The following TAFA2 variants were observed in gnomAD, a reference collection of about 807,000 sequenced individuals.
TAFA2 encodes the protein chemokine-like protein TAFA-2.
A neutral mutation model predicts 18.8 loss-of-function variants in TAFA2; 7 were observed. The ratio of observed to expected loss-of-function variants is 0.37; its 90% CI spans 0.21 to 0.70. TAFA2 has a LOEUF of 0.70. Among genes scored for constraint, TAFA2 ranks in the 30% least tolerant of loss-of-function variants. TAFA2 has a pLI of 0.53. For synonymous variants in TAFA2, 60 were observed against 54.2 expected, an observed-to-expected ratio of 1.11 and a Z score of -0.47; for missense variants, 122 against 158.1, an observed-to-expected ratio of 0.77 and a Z score of 1.23.
intron 1 of TAFA2, among the ~76,000 whole-genome samples, chr12:62,157,730 C>T (rs138202542): frequency 4.6e-4 from 70 of 152,332 alleles, no homozygotes; most frequent in African/African-American, 1.6e-3. Context: ...AAGTAGCTAA[C>T]ATCCTCCAGC....
intron 2 of TAFA2, among the ~76,000 whole-genome samples, chr12:61,777,770 A>T (rs1332372800): frequency 6.6e-6 from 1 of 151,880 alleles, no homozygotes; most frequent in Non-Finnish European, 1.5e-5. Flanking sequence ...GTAAGAATTT[A>T]ATTAATACAT....
At chr12:62,089,291 A>G (rs754079693) in intron 1 of TAFA2, among the ~76,000 whole-genome samples, 2 of 152,084 alleles carry the variant, frequency 1.3e-5, no homozygotes, top group Non-Finnish European at 2.9e-5. Flanking sequence ...CTGGGTAAAG[A>G]AGAAAATAGA....
chr12:61,882,376 A>G (rs1349761264), intron 1 of TAFA2, among the ~76,000 whole-genome samples: 1 of 152,226 alleles, frequency 6.6e-6, no homozygotes, highest in Non-Finnish European at 1.5e-5. Context: ...AGGTATAAAA[A>G]TACCAAAGAA....
At chr12:61,944,162 G>A (rs1387949206) in intron 1 of TAFA2, among the ~76,000 whole-genome samples, 91 of 142,224 alleles carry the variant, frequency 6.4e-4, no homozygotes, top group Middle Eastern at 3.5e-3. Flanking sequence ...ACTCAAAGCC[G>A]CTCAACTACC....
chr12:61,995,369 A>G (rs1201237061), intron 1 of TAFA2, among the ~76,000 whole-genome samples: 1 of 152,206 alleles, frequency 6.6e-6, no homozygotes, highest in Non-Finnish European at 1.5e-5. Flanking sequence ...ACCTCCTTAG[A>G]GATTTTTACC....
intron 1 of TAFA2, among the ~76,000 whole-genome samples, chr12:61,929,816 T>C (rs868714616): frequency 3.9e-5 from 6 of 152,104 alleles, no homozygotes; most frequent in Middle Eastern, 3.2e-3. Context: ...CATGGAATAC[T>C]ATGCAGCCAT....
chr12:61,940,778 T>G (rs1447923512), intron 1 of TAFA2, among the ~76,000 whole-genome samples: 1 of 152,116 alleles, frequency 6.6e-6, no homozygotes, highest in East Asian at 1.9e-4. Context: ...TTGTGTAGAA[T>G]GGAGGAAGAA....
intron 1 of TAFA2, among the ~76,000 whole-genome samples, chr12:62,246,613 T>C (rs2062887613): frequency 6.6e-6 from 1 of 152,246 alleles, no homozygotes; most frequent in African/African-American, 2.4e-5. Context: ...TTGTAATTCT[T>C]TGTCTTTCTG....
At chr12:61,889,195 T>C (rs1179756702) in intron 1 of TAFA2, among the ~76,000 whole-genome samples, 1 of 152,224 alleles carries the variant, frequency 6.6e-6, no homozygotes, top group Admixed American at 6.5e-5. Flanking sequence ...GAAAGCATTA[T>C]GTACTTTCTG....
chr12:61,974,644 C>A (rs1879366560), intron 1 of TAFA2, among the ~76,000 whole-genome samples: 1 of 151,692 alleles, frequency 6.6e-6, no homozygotes, highest in South Asian at 2.1e-4. Flanking sequence ...GCAGTGCCAC[C>A]AGGAGCAGCT....
At chr12:62,234,602 G>A (rs2062827215) in intron 1 of TAFA2, 2 of 818,936 alleles carry the variant, frequency 2.4e-6, no homozygotes, top group Admixed American at 3.5e-5. Context: ...CTTTCCCGTT[G>A]CACAAATAGG....
At chr12:61,954,149 A>G (rs1450693838) in intron 1 of TAFA2, among the ~76,000 whole-genome samples, 3 of 152,060 alleles carry the variant, frequency 2.0e-5, no homozygotes, top group Non-Finnish European at 4.4e-5. Context: ...CCAAGTCTCT[A>G]GTGTTTATCA....
chr12:62,088,614 TA>T (rs139428735), intron 1 of TAFA2, among the ~76,000 whole-genome samples: 23,351 of 104,426 alleles, frequency 0.22, 2,155 homozygotes, highest in East Asian at 0.42. Context: ...TGGACCACAT[TA>T]AAAAAAAAAA....
At chr12:61,742,420 T>C (rs1390806859) in intron 4 of TAFA2, among the ~76,000 whole-genome samples, 1 of 152,064 alleles carries the variant, frequency 6.6e-6, no homozygotes, top group African/African-American at 2.4e-5. Context: ...TGTCTGTAGG[T>C]TCCATATCCT....
chr12:61,793,826 G>A (rs1455857782), intron 2 of TAFA2, among the ~76,000 whole-genome samples: 1 of 151,786 alleles, frequency 6.6e-6, no homozygotes, highest in Non-Finnish European at 1.5e-5. Context: ...CATAAACATA[G>A]ATGCAAGAAG....
At chr12:61,859,033 CA>C (rs1874003493) in intron 2 of TAFA2, among the ~76,000 whole-genome samples, 3 of 152,060 alleles carry the variant, frequency 2.0e-5, no homozygotes, top group Admixed American at 2.0e-4. Context: ...CATTAAAAAC[CA>C]GATATATTAG....
At chr12:61,920,245 C>G (rs1186787444) in intron 1 of TAFA2, among the ~76,000 whole-genome samples, 1 of 152,108 alleles carries the variant, frequency 6.6e-6, no homozygotes. Flanking sequence ...TATGCCACCC[C>G]AAAATATTCC....
intron 2 of TAFA2, among the ~76,000 whole-genome samples, chr12:61,839,391 T>C (rs964141018): frequency 6.6e-6 from 1 of 152,078 alleles, no homozygotes; most frequent in Non-Finnish European, 1.5e-5. Context: ...AGCAATTCCA[T>C]TACTGGGCAT....
chr12:61,747,921 A>G (rs1868809668), intron 4 of TAFA2, among the ~76,000 whole-genome samples: 1 of 152,152 alleles, frequency 6.6e-6, no homozygotes, highest in Admixed American at 6.6e-5. Context: ...TTGCATAAAA[A>G]TATTTAAAAT....
Sources: gnomAD v4.1 joint callset for allele counts (sites outside exome capture counted in the v4.1 genomes callset) on GRCh38, gnomAD v4.1.1 for gene constraint, MANE v1.5 for transcripts, NCBI Gene and HGNC (gene_info 2026-07-23, HGNC 2026-07-21) for gene names.